PDE4DIP: variants seen among roughly 807,000 people sequenced by gnomAD.
PDE4DIP encodes the protein myomegalin.
PDE4DIP carries 59 observed loss-of-function variants against 221.4 expected under a neutral mutation model. That is an observed-to-expected ratio of 0.27 (90% CI 0.22 to 0.33). The LOEUF (loss-of-function observed/expected upper bound fraction) is 0.33. PDE4DIP is among the 10% of genes least tolerant of loss of function. The probability of loss-of-function intolerance (pLI) is 1.00; values close to 1 mark genes in which losing one functional copy is unlikely to be tolerated. For synonymous variants in PDE4DIP, 404 were observed against 815.9 expected (o/e 0.50, Z 8.60); for missense variants, 1,036 against 2,154.2 (o/e 0.48, Z 10.28).
intron 2 of PDE4DIP, 106 bp downstream of exon 5, chr1:148,929,379 C>G: frequency 7.0e-7 from 1 of 1,434,246 alleles, no homozygotes; most frequent in Non-Finnish European, 9.5e-7. Context: ...CATTTGAATC[C>G]TGTATCTGAT....
chr1:148,987,311 A>ATT (rs2062083112), intron 21 of PDE4DIP, among the ~76,000 whole-genome samples: 1 of 152,166 alleles, frequency 6.6e-6, no homozygotes, highest in Non-Finnish European at 1.5e-5. Flanking sequence ...TGGAATCTTA[A>ATT]TAGTTTTCTT....
chr1:148,963,741 T>G (rs587620630), intron 9 of PDE4DIP, among the ~76,000 whole-genome samples: 166 of 149,424 alleles, frequency 1.1e-3, no homozygotes, highest in African/African-American at 3.9e-3. Context: ...TCTCTCTTTC[T>G]TTCCTTCTTT....
At chr1:148,828,600 A>T (rs2500362) in intron 1 of PDE4DIP, among the ~76,000 whole-genome samples, 6,941 of 131,152 alleles carry the variant, frequency 0.053, 41 homozygotes, top group Middle Eastern at 0.14. Context: ...ATTTTTGAGA[A>T]CTGATATCTA....
At chr1:148,877,197 A>T (rs1346351146) in intron 3 of PDE4DIP, among the ~76,000 whole-genome samples, 1 of 149,978 alleles carries the variant, frequency 6.7e-6, no homozygotes, top group Non-Finnish European at 1.5e-5. Context: ...ATTTAAGATT[A>T]AACAAAACAA....
intron 19 of PDE4DIP, among the ~76,000 whole-genome samples, chr1:148,978,857 C>G (rs1443850338): frequency 6.6e-6 from 1 of 152,066 alleles, no homozygotes; most frequent in African/African-American, 2.4e-5. Context: ...TCTAAAATTT[C>G]CTACTTTGGT....
chr1:148,905,119 T>C lies in PDE4DIP; in HGVS notation c.141+15225T>C, dbSNP rs587683506. On this transcript the variant is annotated intron_variant, in intron 1 of 43. Transcript: ENST00000369354. ...TATTGGTCTGTTCAGAGTATCTAAT[T>C]CTTCCTGATTTAAGCTAGGAGGGTT... 4.9e-5 allele frequency among the ~76,000 whole-genome samples: 7 copies of C among 144,050 alleles called. No individual in the cohort carries two copies. In the East Asian group the frequency reaches 1.5e-3, roughly 31 times the overall value. 94.5% of individuals were successfully genotyped at this position (144,050 alleles called of 152,430 possible).
chr1:148,822,490 G>A (rs57360247), intron 1 of PDE4DIP, among the ~76,000 whole-genome samples: 29,455 of 144,572 alleles, frequency 0.2, 933 homozygotes, highest in East Asian at 0.36. Context: ...TGCTTCTTAC[G>A]AGGATCTAAT....
intron 17 of PDE4DIP, among the ~76,000 whole-genome samples, chr1:148,976,136 A>G (rs1404597263): frequency 1.3e-5 from 2 of 152,212 alleles, no homozygotes; most frequent in Non-Finnish European, 2.9e-5. Flanking sequence ...CACATTTATC[A>G]AATCCAGAGT....
chr1:148,815,305 C>T (rs1667446710), intron 1 of PDE4DIP, among the ~76,000 whole-genome samples: 1 of 141,250 alleles, frequency 7.1e-6, no homozygotes, highest in Admixed American at 7.0e-5. Context: ...AATCCCAGCA[C>T]TTTTGGAGGC....
At chr1:148,973,813 AT>A (rs1190799740) in intron 16 of PDE4DIP, among the ~76,000 whole-genome samples, 1 of 131,930 alleles carries the variant, frequency 7.6e-6, no homozygotes, top group Non-Finnish European at 1.6e-5. Context: ...ATTTGGATTA[AT>A]TTTTTTATTA....
chr1:148,923,336 TTG>T (rs1217091216), intron 1 of PDE4DIP, among the ~76,000 whole-genome samples: 2 of 151,612 alleles, frequency 1.3e-5, no homozygotes, highest in African/African-American at 4.9e-5. Flanking sequence ...AAACGTATCA[TTG>T]TTAGTCCACT....
exon 34 of PDE4DIP, chr1:149,017,852 C>G (rs781872392): frequency 3.8e-5 from 61 of 1,613,396 alleles, no homozygotes; most frequent in Non-Finnish European, 5.1e-5. Context: ...ACTGGAACAC[C>G]GGCTGACCTC....
In PDE4DIP at chr1:148,992,108, C is replaced by T. The variant is rs1268316219; in HGVS notation, c.2904+135C>T. The stretch of plus-strand genomic sequence containing the variant: ...CATAAACTACTTCTCAGTCATCTTC[C>T]TGTTCTCCTTGAACTTCCCAGCTGC... On this transcript the variant is annotated intron_variant, in intron 22 of 43. Transcript: ENST00000369354. 7.0e-6 allele frequency: 7 copies of T among 999,884 alleles called. No individual in the cohort carries two copies. The East Asian group carries it at 1.7e-4, about 25-fold the overall frequency. The allele number at this position is 999,884 out of a possible 1,614,324, so 61.9% of individuals were successfully genotyped here.
rs2063341210 is a variant in PDE4DIP, at chr1:148,992,509, A to G, written c.2904+536A>G. ...CAAACCACTGAGGTCATGGTGACTC[A>G]GTGATCAGCAGATGGTACTTCAACA... On this transcript the variant is annotated intron_variant, in intron 22 of 43. Coordinates refer to ENST00000369354, the Ensembl canonical transcript of PDE4DIP. The G allele has an allele frequency of 7.1e-6, 8 of 1,123,946 alleles. No homozygotes were observed. The East Asian group carries it at 2.9e-4, about 41-fold the overall frequency. The allele number at this position is 1,123,946 out of a possible 1,614,324, so 69.6% of individuals were successfully genotyped here.
chr1:148,902,863 A>C (rs1778582), intron 1 of PDE4DIP, among the ~76,000 whole-genome samples: 1 of 106,434 alleles, frequency 9.4e-6, no homozygotes, highest in African/African-American at 4.4e-5. Flanking sequence ...GCTGCTATAC[A>C]TATGCGTGTT....
At chr1:148,889,265 T>G (rs1697323295), upstream of PDE4DIP, 1 of 400,498 alleles carries the variant, frequency 2.5e-6, no homozygotes, top group African/African-American at 2.1e-5. Context: ...CAGCCACAAG[T>G]CATTTAAATA....
At chr1:149,017,505 C>T in intron 33 of PDE4DIP, 1 of 417,948 alleles carries the variant, frequency 2.4e-6, no homozygotes. Flanking sequence ...TCTCACAAGA[C>T]CCCTGTGTGG....
intron 5 of PDE4DIP, among the ~76,000 whole-genome samples, chr1:148,938,831 C>T (rs1383911275): frequency 2.6e-5 from 4 of 151,210 alleles, no homozygotes; most frequent in African/African-American, 4.9e-5. Flanking sequence ...CTCTGTTGCC[C>T]AGGCTGAAGT....
At chr1:148,926,786 C>G (rs7523076) in intron 1 of PDE4DIP, among the ~76,000 whole-genome samples, 34,330 of 150,968 alleles carry the variant, frequency 0.23, 4,412 homozygotes, top group East Asian at 0.42. Flanking sequence ...ATTTGAATTC[C>G]TTTAAGTATT....
Sources: gnomAD v4.1 joint callset for allele counts (sites outside exome capture counted in the v4.1 genomes callset) on GRCh38, gnomAD v4.1.1 for gene constraint, MANE v1.5 for transcripts, NCBI Gene and HGNC (gene_info 2026-07-23, HGNC 2026-07-21) for gene names.